The following DGKG variants were observed in gnomAD, a reference collection of about 807,000 sequenced individuals.
DGKG encodes diacylglycerol kinase gamma, also known as DAG kinase gamma.
A neutral mutation model predicts 105.3 loss-of-function variants in DGKG; 78 were observed. The ratio of observed to expected loss-of-function variants is 0.74; its 90% CI spans 0.62 to 0.89. The LOEUF is 0.89. Among genes scored for constraint, DGKG ranks in the 40% least tolerant of loss-of-function variants. The pLI is 0.00. For synonymous variants in DGKG, 346 were observed against 367.1 expected (o/e 0.94, Z 0.66); for missense variants, 958 against 1,020.1 (o/e 0.94, Z 0.83).
At chr3:186,298,886 C>A (rs1016922740) in intron 3 of DGKG, among the ~76,000 whole-genome samples, 5 of 152,164 alleles carry the variant, frequency 3.3e-5, no homozygotes, top group African/African-American at 9.7e-5. Context: ...GTGTTTCTGG[C>A]TCAGCTGCTT....
chr3:186,171,624 C>T lies in DGKG; in HGVS notation c.2096-6606G>A, dbSNP rs1716822443. On this transcript the variant is annotated intron_variant, in intron 22 of 24. Transcript: ENST00000265022. ...AAAAAATGTCTACATGTGTTCAGTA[C>T]AGGCATAACCATCCATTTAGAAAAA... Among the ~76,000 whole-genome samples, 3 of 152,190 alleles carry T rather than the reference C, an allele frequency of 2.0e-5. No individual in the cohort carries two copies. The South Asian group carries it at 6.2e-4, about 31-fold the overall frequency.
intron 1 of DGKG, among the ~76,000 whole-genome samples, chr3:186,322,662 T>G (rs1725134780): frequency 6.6e-6 from 1 of 152,110 alleles, no homozygotes; most frequent in South Asian, 2.1e-4. Flanking sequence ...ATGGACCTCA[T>G]CCACCTCCAA....
intron 20 of DGKG, among the ~76,000 whole-genome samples, chr3:186,217,799 G>A (rs1719368748): frequency 6.6e-6 from 1 of 152,182 alleles, no homozygotes; most frequent in Non-Finnish European, 1.5e-5. Context: ...TGAGAATCAA[G>A]GAAGTTTTAA....
chr3:186,204,631 C>T (rs1399836175), intron 21 of DGKG, among the ~76,000 whole-genome samples: 4 of 151,990 alleles, frequency 2.6e-5, no homozygotes, highest in African/African-American at 9.7e-5. Context: ...TAAAATTTAA[C>T]CATTTTAAAG....
In DGKG at chr3:186,165,026, G is replaced by A. The variant is rs779447646; in HGVS notation, c.2096-8C>T. 3 of 1,610,562 alleles carry A rather than the reference G, an allele frequency of 1.9e-6. No individual in the cohort carries two copies. The highest frequency in any genetic ancestry group is 2.5e-6 in the Non-Finnish European group (3 of 1,178,788). ...GGAGCTGGTCACTGAGGTCTGCAGA[G>A]CGAGACAGCAAAAGTAGTGCATACA... is the stretch of plus-strand genomic sequence containing the variant. On this transcript the variant is annotated splice_region_variant and splice_polypyrimidine_tract_variant and intron_variant, in intron 22 of 24. Coordinates refer to ENST00000265022, the MANE Select transcript of DGKG (RefSeq NM_001346.3).
chr3:186,352,798 T>A (rs1305374343), intron 1 of DGKG, among the ~76,000 whole-genome samples: 1 of 152,106 alleles, frequency 6.6e-6, no homozygotes, highest in African/African-American at 2.4e-5. Flanking sequence ...CAGCCTCACT[T>A]TCCATCTTCT....
intron 19 of DGKG, among the ~76,000 whole-genome samples, chr3:186,244,467 C>G (rs1387287689): frequency 1.3e-5 from 2 of 150,482 alleles, no homozygotes; most frequent in Non-Finnish European, 3.0e-5. Context: ...TGCAGTGGCA[C>G]AATCTTGTCT....
intron 10 of DGKG, among the ~76,000 whole-genome samples, chr3:186,275,061 T>C (rs1722515061): frequency 6.6e-6 from 1 of 152,188 alleles, no homozygotes; most frequent in South Asian, 2.1e-4. Context: ...GTATTTTTAG[T>C]AGGGACAAGG....
At chr3:186,173,081 C>A (rs1048414660) in intron 22 of DGKG, among the ~76,000 whole-genome samples, 15 of 152,212 alleles carry the variant, frequency 9.9e-5, no homozygotes, top group African/African-American at 3.1e-4. Flanking sequence ...TGGTGTTTCT[C>A]TGTGTTTCCA....
intron 20 of DGKG, among the ~76,000 whole-genome samples, chr3:186,224,695 C>T (rs995170555): frequency 6.6e-6 from 1 of 152,134 alleles, no homozygotes; most frequent in Non-Finnish European, 1.5e-5. Flanking sequence ...TTATGTTTGA[C>T]TCAATTTTCC....
At chr3:186,201,890 T>C (rs562436438) in intron 21 of DGKG, among the ~76,000 whole-genome samples, 1 of 152,350 alleles carries the variant, frequency 6.6e-6, no homozygotes, top group East Asian at 1.9e-4. Context: ...GCCTGATAGA[T>C]ATGCCAAGTC....
intron 20 of DGKG, among the ~76,000 whole-genome samples, chr3:186,233,098 T>C (rs1720231745): frequency 6.6e-6 from 1 of 152,176 alleles, no homozygotes; most frequent in South Asian, 2.1e-4. Flanking sequence ...TTAGGTTACG[T>C]GGCAAAGGGG....
At chr3:186,206,761 T>G (rs766298762) in intron 21 of DGKG, among the ~76,000 whole-genome samples, 2 of 149,888 alleles carry the variant, frequency 1.3e-5, no homozygotes, top group Non-Finnish European at 2.9e-5. Flanking sequence ...TGTTTTTTTG[T>G]TTTTTTTGAG....
chr3:186,148,931 G>C lies in DGKG; in HGVS notation c.*1159C>G, dbSNP rs921997110. 10 of 954,148 alleles carry C rather than the reference G, an allele frequency of 1.0e-5. No homozygotes were observed. The African/African-American group carries it at 1.4e-4, about 14-fold the overall frequency. 59.1% of individuals were successfully genotyped at this position (954,148 alleles called of 1,614,324 possible). On this transcript the variant is annotated 3_prime_UTR_variant, in exon 25 of 25. Transcript: ENST00000265022. ...ACTACCTATGTTTTTTTTTTCCAATGAGGAAAAGTCCATCAGTAAATAAAT... is the reference window on the plus strand; with the variant it reads ...ACTACCTATGTTTTTTTTTTCCAATCAGGAAAAGTCCATCAGTAAATAAAT...
At chr3:186,326,100 T>C (rs1032511254) in intron 1 of DGKG, among the ~76,000 whole-genome samples, 3 of 152,006 alleles carry the variant, frequency 2.0e-5, no homozygotes, top group Non-Finnish European at 4.4e-5. Flanking sequence ...AGCTAGAAAA[T>C]AGATGCGTGT....
intron 2 of DGKG, among the ~76,000 whole-genome samples, chr3:186,310,191 C>G (rs1444111361): frequency 7.3e-6 from 1 of 137,114 alleles, no homozygotes; most frequent in Non-Finnish European, 1.5e-5. Context: ...CACTTGAACC[C>G]AGGAGGCGGA....
chr3:186,322,888 G>A (rs978473672), intron 1 of DGKG, among the ~76,000 whole-genome samples: 1 of 152,190 alleles, frequency 6.6e-6, no homozygotes, highest in African/African-American at 2.4e-5. Flanking sequence ...GTCAGAGGCA[G>A]GAGGCTCAGC....
intron 3 of DGKG, among the ~76,000 whole-genome samples, chr3:186,300,100 G>C (rs1480790790): frequency 6.6e-6 from 1 of 152,014 alleles, no homozygotes; most frequent in African/African-American, 2.4e-5. Flanking sequence ...GCTTCCCAAA[G>C]TGCTGGGATT....
intron 24 of DGKG, chr3:186,161,270 C>T: frequency 1.9e-6 from 2 of 1,072,022 alleles, no homozygotes; most frequent in African/African-American, 1.7e-5. Flanking sequence ...TAGTAAATTC[C>T]TTGCCATTGA....
Sources: gnomAD v4.1 joint callset for allele counts (sites outside exome capture counted in the v4.1 genomes callset) on GRCh38, gnomAD v4.1.1 for gene constraint, MANE v1.5 for transcripts, NCBI Gene and HGNC (gene_info 2026-07-23, HGNC 2026-07-21) for gene names.